The following RBM6 variants were observed in gnomAD, a reference collection of about 807,000 sequenced individuals.
RBM6 encodes the protein RNA binding motif protein 6, also known as RNA-binding protein 6.
RBM6 carries 23 observed loss-of-function variants against 140.4 expected under a neutral mutation model. That is an observed-to-expected ratio of 0.16 (90% CI 0.12 to 0.23). The LOEUF (loss-of-function observed/expected upper bound fraction) is 0.23. Among genes scored for constraint, RBM6 ranks in the 10% least tolerant of loss-of-function variants. The probability of loss-of-function intolerance (pLI) is 1.00; values close to 1 mark genes in which losing one functional copy is unlikely to be tolerated. For synonymous variants in RBM6, 439 were observed against 475.6 expected, an observed-to-expected ratio of 0.92 and a Z score of 1.00; for missense variants, 1,139 against 1,386.7, an observed-to-expected ratio of 0.82 and a Z score of 2.84.
At chr3:49,960,910 CTT>C (rs1439558901) in intron 1 of RBM6, among the ~76,000 whole-genome samples, 20 of 132,246 alleles carry the variant, frequency 1.5e-4, no homozygotes, top group Non-Finnish European at 1.8e-4. Context: ...CCCAGAGTAC[CTT>C]TTTTTTTTTT....
At chr3:50,059,376 T>G (rs2089847679) in intron 10 of RBM6, 1 of 242,232 alleles carries the variant, frequency 4.1e-6, no homozygotes, top group Admixed American at 5.5e-5. Context: ...ATCTGATTGA[T>G]GATAATTGCA....
intron 15 of RBM6, among the ~76,000 whole-genome samples, chr3:50,063,769 C>T (rs951574452): frequency 9.2e-5 from 14 of 151,494 alleles, no homozygotes; most frequent in African/African-American, 3.4e-4. Context: ...GACGTGGTGG[C>T]GCAAGCCTGT....
chr3:50,054,633 T>C (rs2089628231), intron 8 of RBM6, among the ~76,000 whole-genome samples: 1 of 151,352 alleles, frequency 6.6e-6, no homozygotes, highest in South Asian at 2.1e-4. Context: ...AGCCTCCTGA[T>C]TAGCTGGGAT....
intron 5 of RBM6, among the ~76,000 whole-genome samples, chr3:49,985,753 C>T (rs902964144): frequency 6.6e-6 from 1 of 151,790 alleles, no homozygotes; most frequent in Non-Finnish European, 1.5e-5. Flanking sequence ...ACTACAGGCG[C>T]CTGCCACCAC....
rs1003464596 is a variant in RBM6, at chr3:50,040,842, A to C, written c.1558-7403A>C. ...GTATTTTTTGTAGAGGCGGGGTTTT[A>C]TCACATTGCCCAGGCTGGTCTCGAA... On this transcript the variant is annotated intron_variant, in intron 6 of 20. Coordinates refer to ENST00000266022, the MANE Select transcript of RBM6 (RefSeq NM_005777.3). 3.9e-5 allele frequency among the ~76,000 whole-genome samples: 6 copies of C among 151,900 alleles called. No homozygotes were observed. In the South Asian group the frequency reaches 1.2e-3, roughly 32 times the overall value.
At chr3:50,046,729 T>TC in intron 6 of RBM6, among the ~76,000 whole-genome samples, 1 of 152,136 alleles carries the variant, frequency 6.6e-6, no homozygotes, top group East Asian at 1.9e-4. Flanking sequence ...AGATTACCTG[T>TC]CCCTAATACT....
chr3:50,044,101 G>A (rs1443882284), intron 6 of RBM6, among the ~76,000 whole-genome samples: 13 of 147,782 alleles, frequency 8.8e-5, no homozygotes, highest in African/African-American at 1.2e-4. Context: ...GGCTGGTCTC[G>A]AACTGAGCTC....
chr3:49,963,958 G>C (rs1401453777), intron 2 of RBM6, among the ~76,000 whole-genome samples: 1 of 151,990 alleles, frequency 6.6e-6, no homozygotes, highest in Non-Finnish European at 1.5e-5. Context: ...TGGAGTGCAG[G>C]GGTATGATCT....
Position 50,054,340 on chromosome 3 carries a change from G to A in RBM6, c.1638G>A (p.Lys546=), listed in dbSNP as rs968110886. 2 of 1,611,346 alleles carry A rather than the reference G, an allele frequency of 1.2e-6. No individual in the cohort carries two copies. The highest frequency in any genetic ancestry group is 1.7e-6 in the Non-Finnish European group (2 of 1,177,552). ...SLDFWYCKRC[K]ANIGGHRSSC... ...GATTTCCTTCTTCCTTACAGTGTAA[G>A]GCAAACATTGGTGGGCACCGATCTT... The change falls in exon 8 of 21, where the codon AAG becomes AAA. Residue 546 remains lysine (K), a synonymous_variant. Coordinates refer to ENST00000266022, the MANE Select transcript of RBM6 (RefSeq NM_005777.3).
intron 6 of RBM6, among the ~76,000 whole-genome samples, chr3:50,022,527 T>C (rs1575720807): frequency 6.6e-6 from 1 of 152,012 alleles, no homozygotes; most frequent in Non-Finnish European, 1.5e-5. Context: ...ACAGGGTTTC[T>C]CCATGTTGGT....
At chr3:49,956,407 C>G (rs1372686604) in intron 1 of RBM6, among the ~76,000 whole-genome samples, 3 of 133,370 alleles carry the variant, frequency 2.2e-5, no homozygotes, top group African/African-American at 8.6e-5. Flanking sequence ...ATGATTTCAG[C>G]TCACTGCAAC....
At chr3:50,066,598 C>T (rs922025136) in intron 17 of RBM6, 96 bp downstream of exon 17, 15 of 1,446,122 alleles carry the variant, frequency 1.0e-5, no homozygotes, top group South Asian at 3.9e-5. Context: ...GAGGCCGAGG[C>T]GGGTGGATTG....
intron 16 of RBM6, among the ~76,000 whole-genome samples, chr3:50,065,384 T>C (rs1166591447): frequency 6.6e-6 from 1 of 152,266 alleles, no homozygotes; most frequent in African/African-American, 2.4e-5. Context: ...CCAGACGAGA[T>C]GCCTAGCCCT....
chr3:50,072,497 A>G (rs1343066288), intron 19 of RBM6, among the ~76,000 whole-genome samples: 1 of 152,134 alleles, frequency 6.6e-6, no homozygotes, highest in Non-Finnish European at 1.5e-5. Flanking sequence ...TGACAGAGCA[A>G]GGCCCTTGAG....
Position 50,070,496 on chromosome 3 carries a change from C to T in RBM6, c.3060C>T (p.Leu1020=), listed in dbSNP as rs1559656554. Residue 1020 remains leucine, a synonymous_variant, in exon 19 of 21, where the codon CTC becomes CTT. Transcript: ENST00000266022. The part of the protein sequence containing the change: ...KGRGNDRREK[L]QSFDSPERKR... ...GAGGAAATGATCGCAGGGAAAAGCT[C>T]CAGTCTTTTGACTCTCCAGAAAGGA... The T allele has an allele frequency of 6.2e-7, 1 of 1,614,062 alleles. No individual in the cohort carries two copies. The highest frequency in any genetic ancestry group is 2.2e-5 in the East Asian group (1 of 44,882).
intron 1 of RBM6, among the ~76,000 whole-genome samples, chr3:49,954,921 G>A (rs1294397380): frequency 1.3e-5 from 2 of 151,918 alleles, no homozygotes; most frequent in African/African-American, 4.8e-5. Flanking sequence ...GCCATGCCCA[G>A]CTAATTTTTT....
chr3:49,984,636 G>A (rs377609499), intron 5 of RBM6, among the ~76,000 whole-genome samples: 12,353 of 61,062 alleles, frequency 0.2, 1,680 homozygotes, highest in African/African-American at 0.45. Flanking sequence ...GCATCGCATC[G>A]CATCGCATCG....
At chr3:49,987,464 C>T (rs2085615394) in intron 5 of RBM6, among the ~76,000 whole-genome samples, 5 of 150,632 alleles carry the variant, frequency 3.3e-5, no homozygotes, top group East Asian at 4.0e-4. Context: ...TACAGGTGCC[C>T]GCCACTACGC....
intron 17 of RBM6, 53 bp downstream of exon 17, chr3:50,066,555 T>A: frequency 6.4e-7 from 1 of 1,572,758 alleles, no homozygotes; most frequent in South Asian, 1.2e-5. Flanking sequence ...TGGCCGGGCT[T>A]TGTGGCTCAT....
Sources: gnomAD v4.1 joint callset for allele counts (sites outside exome capture counted in the v4.1 genomes callset) on GRCh38, gnomAD v4.1.1 for gene constraint, MANE v1.5 for transcripts, NCBI Gene and HGNC (gene_info 2026-07-23, HGNC 2026-07-21) for gene names.